The following UBE2E2 variants were observed in gnomAD, a reference collection of about 807,000 sequenced individuals.
UBE2E2 encodes ubiquitin conjugating enzyme E2 E2, also known as ubiquitin-conjugating enzyme E2 E2.
In UBE2E2, 6 loss-of-function variants were observed where a neutral mutation model predicts 24.7. That is an observed-to-expected ratio of 0.24 (90% CI 0.13 to 0.48). UBE2E2 has a LOEUF of 0.48. Ranked by LOEUF, UBE2E2 falls within the 20% of genes least tolerant of loss-of-function variation. The pLI is 0.99. For synonymous variants in UBE2E2, 104 were observed against 83.6 expected, an observed-to-expected ratio of 1.24 and a Z score of -1.33; for missense variants, 169 against 245.0, an observed-to-expected ratio of 0.69 and a Z score of 2.07.
At chr3:23,252,384 C>G (rs1300481737) in intron 3 of UBE2E2, among the ~76,000 whole-genome samples, 1 of 152,124 alleles carries the variant, frequency 6.6e-6, no homozygotes, top group African/African-American at 2.4e-5. Context: ...ATGAATAACA[C>G]TATCATTCAG....
rs1553619292 is a variant in UBE2E2, at chr3:23,540,388, T to TTTGTTTG, written c.508+7689_508+7690insGTTTGTT. On this transcript the variant is annotated intron_variant, in intron 5 of 5. Transcript: ENST00000396703. ...AGCCACTGAGTAAAGTTTGATGCCC[T>TTTGTTTG]TTTGTTTGTTTGTTTGTTTGTTTGT... Among the ~76,000 whole-genome samples, 1,107 of 148,356 alleles carry TTTGTTTG rather than the reference T, an allele frequency of 7.5e-3. 14 individuals carry two copies. Among genetic ancestry groups the TTTGTTTG allele is most frequent in the African/African-American group, 0.026 (1,033 of 39,280 alleles).
chr3:23,553,989 C>G (rs1695715403), intron 5 of UBE2E2, among the ~76,000 whole-genome samples: 1 of 151,858 alleles, frequency 6.6e-6, no homozygotes, highest in Non-Finnish European at 1.5e-5. Context: ...TATGCAGATC[C>G]AACACAGTCA....
intron 3 of UBE2E2, among the ~76,000 whole-genome samples, chr3:23,406,198 T>C (rs928146171): frequency 6.6e-6 from 1 of 152,262 alleles, no homozygotes; most frequent in African/African-American, 2.4e-5. Flanking sequence ...TGTAAAGATT[T>C]GTTAATGGAT....
chr3:23,258,218 C>T (rs532655399), intron 3 of UBE2E2, among the ~76,000 whole-genome samples: 6 of 152,086 alleles, frequency 3.9e-5, no homozygotes, highest in Non-Finnish European at 7.3e-5. Flanking sequence ...GCAAAACAGT[C>T]GATTCCTCAC....
Position 23,203,460 on chromosome 3 carries a change from C to CCT in UBE2E2, c.-13_-12insCT, listed in dbSNP as rs1315067055. ...CTGCGACCTGCACGGACACCCCCCC[C>CCT]TCAGGTATTCGCTCGGGCCGCGCCG... is the stretch of plus-strand genomic sequence containing the variant. On this transcript the variant is annotated 5_prime_UTR_variant, in exon 1 of 6. Coordinates refer to ENST00000396703, the MANE Select transcript of UBE2E2 (RefSeq NM_152653.4). The CCT allele has an allele frequency of 5.1e-6, 5 of 982,658 alleles. No homozygotes were observed. Among genetic ancestry groups the CCT allele is most frequent in the African/African-American group, 3.6e-5 (2 of 56,302 alleles). 60.9% of individuals were successfully genotyped at this position (982,658 alleles called of 1,614,324 possible).
At chr3:23,285,527 C>T (rs1026488720) in intron 3 of UBE2E2, among the ~76,000 whole-genome samples, 2 of 152,148 alleles carry the variant, frequency 1.3e-5, no homozygotes, top group Non-Finnish European at 1.5e-5. Context: ...CAGCATCCTC[C>T]TCAGCATTTG....
At chr3:23,213,340 G>A (rs1321012109) in intron 2 of UBE2E2, among the ~76,000 whole-genome samples, 1 of 151,864 alleles carries the variant, frequency 6.6e-6, no homozygotes, top group Non-Finnish European at 1.5e-5. Context: ...TCTCTGTTCT[G>A]TATAATTTTG....
At chr3:23,310,980 T>A (rs1156844342) in intron 3 of UBE2E2, among the ~76,000 whole-genome samples, 1 of 152,156 alleles carries the variant, frequency 6.6e-6, no homozygotes, top group African/African-American at 2.4e-5. Context: ...TTACATTAGG[T>A]ATATCTCCTA....
chr3:23,400,816 C>G (rs1381226559), intron 3 of UBE2E2, among the ~76,000 whole-genome samples: 1 of 152,096 alleles, frequency 6.6e-6, no homozygotes, highest in Non-Finnish European at 1.5e-5. Context: ...CTCCTTCCTT[C>G]CCTCCTTCTT....
At chr3:23,370,123 A>G (rs1696365779) in intron 3 of UBE2E2, among the ~76,000 whole-genome samples, 1 of 151,924 alleles carries the variant, frequency 6.6e-6, no homozygotes, top group Non-Finnish European at 1.5e-5. Flanking sequence ...TCCTTTTACC[A>G]TTGTTGCATT....
At chr3:23,454,829 A>G (rs1698640751) in intron 3 of UBE2E2, among the ~76,000 whole-genome samples, 3 of 152,256 alleles carry the variant, frequency 2.0e-5, no homozygotes, top group Non-Finnish European at 4.4e-5. Context: ...TGTACAGTGT[A>G]CTTCCTAATT....
At chr3:23,273,203 C>A (rs992121152) in intron 3 of UBE2E2, among the ~76,000 whole-genome samples, 2 of 152,168 alleles carry the variant, frequency 1.3e-5, no homozygotes, top group Non-Finnish European at 2.9e-5. Context: ...ATAGTAAATT[C>A]TCACAAAAGT....
chr3:23,437,772 C>G (rs552874288), intron 3 of UBE2E2, among the ~76,000 whole-genome samples: 39 of 152,226 alleles, frequency 2.6e-4, no homozygotes, highest in Non-Finnish European at 5.1e-4. Flanking sequence ...ATACTTGTAT[C>G]GTAGATTGTG....
At chr3:23,336,353 G>C (rs1695210067) in intron 3 of UBE2E2, among the ~76,000 whole-genome samples, 1 of 152,136 alleles carries the variant, frequency 6.6e-6, no homozygotes. Context: ...TACTGTATCT[G>C]CAAGAGTAAA....
At position 23,425,721 on chromosome 3, in the gene UBE2E2, C is replaced by G. The variant is rs149550577; in HGVS notation, c.228-73887C>G. ...TGAGAGTGAAAAACTTTAGGGGTGA[C>G]GAGTCATGAGACCTAATCATAGGAC... On this transcript the variant is annotated intron_variant, in intron 3 of 5. Transcript: ENST00000396703. Among the ~76,000 whole-genome samples the G allele has an allele frequency of 3.7e-3, 559 of 152,172 alleles. 4 individuals carry two copies. The highest frequency in any genetic ancestry group is 0.013 in the African/African-American group (538 of 41,524).
At chr3:23,297,006 T>G (rs1331044147) in intron 3 of UBE2E2, among the ~76,000 whole-genome samples, 2 of 152,212 alleles carry the variant, frequency 1.3e-5, no homozygotes, top group African/African-American at 4.8e-5. Flanking sequence ...CCATTCTAAC[T>G]GGTGTGAGAT....
rs556768179 is a variant in UBE2E2 at position 23,213,849 on chromosome 3, T to A, written c.177-3413T>A. Among the ~76,000 whole-genome samples, 3 of 152,228 alleles carry A rather than the reference T, an allele frequency of 2.0e-5. No homozygotes were observed. The East Asian group carries it at 5.8e-4, about 29-fold the overall frequency. ...AATCACTTTTAACGGTAAAAGATCA[T>A]CATGGGAAAGGTAGACTGTAAGTGT... is the stretch of plus-strand genomic sequence containing the variant. On this transcript the variant is annotated intron_variant, in intron 2 of 5. Coordinates refer to ENST00000396703, the MANE Select transcript of UBE2E2 (RefSeq NM_152653.4).
rs140006488 is a variant in UBE2E2, at chr3:23,489,533, G to A, written c.228-10075G>A. Among the ~76,000 whole-genome samples, 1,232 of 152,308 alleles carry A rather than the reference G, an allele frequency of 8.1e-3. 15 individuals carry two copies. The highest frequency in any genetic ancestry group is 0.027 in the African/African-American group (1,128 of 41,546). ...GTATAGAAAAGGGAAATTAGAGCCC[G>A]TAAAGTGAAACTCTTACTGTTTCCA... On this transcript the variant is annotated intron_variant, in intron 3 of 5. Transcript: ENST00000396703.
chr3:23,508,228 T>C (rs1337727270), intron 4 of UBE2E2, among the ~76,000 whole-genome samples: 1 of 152,250 alleles, frequency 6.6e-6, no homozygotes, highest in Non-Finnish European at 1.5e-5. Context: ...ATTGTCTTTG[T>C]GCTTTTAAAA....
Sources: gnomAD v4.1 joint callset for allele counts (sites outside exome capture counted in the v4.1 genomes callset) on GRCh38, gnomAD v4.1.1 for gene constraint, MANE v1.5 for transcripts, NCBI Gene and HGNC (gene_info 2026-07-23, HGNC 2026-07-21) for gene names.